The following LASP1 variants were observed in gnomAD, a reference collection of about 807,000 sequenced individuals.
The protein encoded by LASP1 is LIM and SH3 domain protein 1.
Under a neutral mutation model 38.6 loss-of-function variants are expected in LASP1, and 10 were observed. That is an observed-to-expected ratio of 0.26 (90% CI 0.16 to 0.44). The LOEUF is 0.44. Among genes scored for constraint, LASP1 ranks in the 20% least tolerant of loss-of-function variants. The pLI is 1.00. For missense variants in LASP1, 243 were observed against 375.7 expected (o/e 0.65, Z 2.92); for synonymous variants, 132 against 140.8 (o/e 0.94, Z 0.44).
intron 2 of LASP1, 67 bp from the exon 3 acceptor site, chr17:38,890,353 G>A (rs1343949851): frequency 1.4e-6 from 2 of 1,457,260 alleles, no homozygotes; most frequent in African/African-American, 2.8e-5. Flanking sequence ...GGCATGCTCT[G>A]TGAGAAGCCC....
intron 1 of LASP1, among the ~76,000 whole-genome samples, chr17:38,875,185 A>G (rs1430452168): frequency 1.3e-5 from 2 of 151,872 alleles, no homozygotes; most frequent in Non-Finnish European, 2.9e-5. Context: ...GGGCCTAGGC[A>G]GGGGCCTGTG....
At chr17:38,914,620 G>A (rs1382411689) in intron 5 of LASP1, 145 bp downstream of exon 5, 1 of 1,065,898 alleles carries the variant, frequency 9.4e-7, no homozygotes, top group Non-Finnish European at 1.3e-6. Flanking sequence ...GTGCAAGAGG[G>A]GACCAGAGGA....
chr17:38,873,760 C>G (rs28684), intron 1 of LASP1: 43,776 of 152,148 alleles, frequency 0.29, 6,709 homozygotes, highest in Non-Finnish European at 0.33. Flanking sequence ...GTGCCCCGGC[C>G]AGGGTGGGGC....
chr17:38,911,055 G>T lies in LASP1; in HGVS notation c.358-3270G>T, dbSNP rs78116646. Among the ~76,000 whole-genome samples, 705 of 152,216 alleles carry T rather than the reference G, an allele frequency of 4.6e-3. 30 individuals carry two copies. The East Asian group carries it at 0.088, about 19-fold the overall frequency. ...CACATGTTAAGAAGCAAAGCTCAAG[G>T]GTCTCCAGGATCCTGGTCTGTTCTC... On this transcript the variant is annotated intron_variant, in intron 4 of 6. Coordinates refer to ENST00000318008, the MANE Select transcript of LASP1 (RefSeq NM_006148.4).
intron 2 of LASP1, among the ~76,000 whole-genome samples, chr17:38,879,445 C>T (rs764127509): frequency 1.3e-5 from 2 of 151,728 alleles, no homozygotes; most frequent in African/African-American, 4.8e-5. Flanking sequence ...GTATAAGCCA[C>T]CTCGCCCAGC....
chr17:38,911,032 C>T (rs1914924796), intron 4 of LASP1, among the ~76,000 whole-genome samples: 1 of 152,122 alleles, frequency 6.6e-6, no homozygotes, highest in Non-Finnish European at 1.5e-5. Flanking sequence ...CAGGAGACCA[C>T]ATGTTAAGAA....
At chr17:38,875,100 TC>T in intron 1 of LASP1, among the ~76,000 whole-genome samples, 1 of 149,724 alleles carries the variant, frequency 6.7e-6, no homozygotes, top group African/African-American at 2.5e-5. Flanking sequence ...AGAAAGTGGG[TC>T]ATGGTCTGGA....
chr17:38,871,233 A>G (rs951710017), intron 1 of LASP1, among the ~76,000 whole-genome samples: 1 of 151,892 alleles, frequency 6.6e-6, no homozygotes, highest in Admixed American at 6.6e-5. Flanking sequence ...TCTGGTTGCC[A>G]TTAGACTTTT....
intron 4 of LASP1, among the ~76,000 whole-genome samples, chr17:38,905,530 CAAAA>C (rs35515925): frequency 1.1e-5 from 1 of 93,126 alleles, no homozygotes; most frequent in Non-Finnish European, 2.1e-5. Flanking sequence ...GACTCCATCT[CAAAA>C]AAAAAAAAAA....
In LASP1 at chr17:38,915,081, T is replaced by A; in HGVS notation, c.547T>A (p.Tyr183Asn). The change falls in exon 6 of 7, where the codon TAT (tyrosine) becomes AAT (asparagine). Residue 183 changes from tyrosine to asparagine, a missense_variant. By Grantham distance (143) the Tyr-to-Asn change is moderately radical. Coordinates refer to ENST00000318008, the MANE Select transcript of LASP1 (RefSeq NM_006148.4). ...CCAGCAGCAGCCGGTGGCCCAGTCC[T>A]ATGGTGGCTACAAGGAGCCTGCAGC... ...QPQQQPVAQS[Y>N]GGYKEPAAPV... 2 of 1,613,852 alleles carry A rather than the reference T, an allele frequency of 1.2e-6. No individual in the cohort carries two copies. Among genetic ancestry groups the A allele is most frequent in the Non-Finnish European group, 1.7e-6 (2 of 1,179,952 alleles).
At chr17:38,880,624 G>A (rs1913919562) in intron 2 of LASP1, among the ~76,000 whole-genome samples, 1 of 152,206 alleles carries the variant, frequency 6.6e-6, no homozygotes, top group African/African-American at 2.4e-5. Flanking sequence ...TGGGGGCTTT[G>A]TGACCCAGCT....
chr17:38,919,878 G>A lies in LASP1; in HGVS notation c.*1100G>A. The A allele has an allele frequency of 2.1e-6, 1 of 486,850 alleles. No homozygotes were observed. Among genetic ancestry groups the A allele is most frequent in the South Asian group, 1.7e-5 (1 of 57,270 alleles). 30.2% of individuals were successfully genotyped at this position (486,850 alleles called of 1,614,324 possible). A position where few individuals can be genotyped will look rare whatever the true frequency, so the allele number is the denominator to read the frequency against. On this transcript the variant is annotated 3_prime_UTR_variant, in exon 7 of 7. Coordinates refer to ENST00000318008, the MANE Select transcript of LASP1 (RefSeq NM_006148.4). ...GTGTCTGACACGCAAGTGTGTGAGT[G>A]TGAGTGTGAGAGATGGGGCGGGGGT...
chr17:38,887,381 C>T (rs1914171600), intron 2 of LASP1, among the ~76,000 whole-genome samples: 1 of 152,214 alleles, frequency 6.6e-6, no homozygotes, highest in Non-Finnish European at 1.5e-5. Flanking sequence ...TAGAGATCTT[C>T]CCTTTCTGGT....
intron 2 of LASP1, among the ~76,000 whole-genome samples, chr17:38,879,918 T>G (rs916696166): frequency 6.6e-6 from 1 of 152,150 alleles, no homozygotes; most frequent in Non-Finnish European, 1.5e-5. Context: ...GGGCAGGTTA[T>G]CTGGGTAAAG....
chr17:38,870,318 A>G (rs1913562154), intron 1 of LASP1, 60 bp downstream of exon 1: 1 of 1,577,108 alleles, frequency 6.3e-7, no homozygotes, highest in Admixed American at 1.7e-5. Context: ...GAATCCAGGG[A>G]GGAGAGAAGG....
At chr17:38,878,202 G>A (rs1913837278) in intron 2 of LASP1, 22 bp downstream of exon 2, 1 of 1,548,342 alleles carries the variant, frequency 6.5e-7, no homozygotes, top group Non-Finnish European at 8.9e-7. Flanking sequence ...TCTGGGCAGG[G>A]GGCTGGGTGG....
rs1413341270 is a variant in LASP1 at position 38,918,018 on chromosome 17, T to C, written c.613-587T>C. 2.0e-5 allele frequency among the ~76,000 whole-genome samples: 3 copies of C among 151,762 alleles called. No homozygotes were observed. The highest frequency in any genetic ancestry group is 4.4e-5 in the Non-Finnish European group (3 of 67,954). On this transcript the variant is annotated intron_variant, in intron 6 of 6. Coordinates refer to ENST00000318008, the MANE Select transcript of LASP1 (RefSeq NM_006148.4). This position sits in a 1 kb window ranked among gnomAD's most constrained non-coding sequence, Gnocchi z 4.4. ...AGCCGGGCATGGTGGTACACGCTTA[T>C]AGTCCCAGCTACTTGGGAGGCTGAG... is the stretch of plus-strand genomic sequence containing the variant.
intron 2 of LASP1, among the ~76,000 whole-genome samples, chr17:38,884,687 C>CGT (rs1478753629): frequency 1.9e-5 from 2 of 102,916 alleles, no homozygotes; most frequent in African/African-American, 7.9e-5. Flanking sequence ...CCACGTCCGG[C>CGT]TTTTTTTTTT....
chr17:38,902,337 A>G (rs1408891779), intron 4 of LASP1, among the ~76,000 whole-genome samples: 1 of 141,942 alleles, frequency 7.0e-6, no homozygotes, highest in Non-Finnish European at 1.5e-5. Flanking sequence ...CTGGGATTAT[A>G]GGGGTGAGCC....
Sources: allele counts gnomAD v4.1 joint callset (sites outside exome capture counted in the v4.1 genomes callset), GRCh38; gene constraint gnomAD v4.1.1; non-coding constraint Gnocchi (gnomAD v3.1); transcripts MANE v1.5; gene names NCBI Gene and HGNC (gene_info 2026-07-23, HGNC 2026-07-21).